DTNB: variants seen among roughly 807,000 people sequenced by gnomAD.
DTNB encodes dystrobrevin beta.
DTNB carries 63 observed loss-of-function variants against 90.7 expected under a neutral mutation model. The observed-to-expected ratio is 0.69, with a 90% CI of 0.57 to 0.86. The LOEUF is 0.86. DTNB is among the 40% of genes least tolerant of loss of function. The probability of loss-of-function intolerance (pLI) is 0.00; values close to 1 mark genes in which losing one functional copy is unlikely to be tolerated. For synonymous variants in DTNB, 277 were observed against 286.7 expected, an observed-to-expected ratio of 0.97 and a Z score of 0.34; for missense variants, 744 against 807.1, an observed-to-expected ratio of 0.92 and a Z score of 0.95.
At position 25,399,364 on chromosome 2, in the gene DTNB, T is replaced by TTTTTTTTTTTTTTA. The variant is rs70947887; in HGVS notation, c.1576-11004_1576-11003insTAAAAAAAAAAAAA. On this transcript the variant is annotated intron_variant, in intron 16 of 20. Transcript: ENST00000406818. ...TCGCCCCTGACCTTTTTTTTTTTTT[T>TTTTTTTTTTTTTTA]AGACAGGATCTTGCTGTTTCCCAGG... is the stretch of plus-strand genomic sequence containing the variant. 8.5e-4 allele frequency: 127 copies of TTTTTTTTTTTTTTA among 149,706 alleles called. 2 individuals are homozygous for TTTTTTTTTTTTTTA. Among genetic ancestry groups the TTTTTTTTTTTTTTA allele is most frequent in the African/African-American group, 2.8e-3 (112 of 40,096 alleles). The allele number at this position is 149,706 out of a possible 1,614,324, so 9.3% of individuals were successfully genotyped here.
chr2:25,388,423 A>G (rs1573699490), intron 16 of DTNB, 62 bp from the exon 17 acceptor site: 1 of 1,528,524 alleles, frequency 6.5e-7, no homozygotes, highest in Non-Finnish European at 8.8e-7. Flanking sequence ...AGGAAGGAAG[A>G]AAGTACTTTT....
intron 1 of DTNB, among the ~76,000 whole-genome samples, chr2:25,658,013 T>C (rs1419514219): frequency 6.6e-6 from 1 of 151,914 alleles, no homozygotes; most frequent in Non-Finnish European, 1.5e-5. Context: ...TCCCAGCACT[T>C]TGGGAGGCCG....
intron 8 of DTNB, among the ~76,000 whole-genome samples, chr2:25,537,643 T>G (rs1312916098): frequency 6.6e-6 from 1 of 152,224 alleles, no homozygotes; most frequent in African/African-American, 2.4e-5. Context: ...GATTATGACT[T>G]GGACCTGAAG....
In DTNB at chr2:25,483,587, T is replaced by C. The variant is rs553198893; in HGVS notation, c.1002-714A>G. On this transcript the variant is annotated intron_variant, in intron 9 of 20. Transcript: ENST00000406818. ...CTTCAAGGTTAGCATTTTTGGTAAC[T>C]TGTCTTTAGCTGCAGGTTTTCTAGA... is the stretch of plus-strand genomic sequence containing the variant. Among the ~76,000 whole-genome samples the C allele has an allele frequency of 1.4e-3, 211 of 152,350 alleles. 1 individual carries two copies. The highest frequency in any genetic ancestry group is 5.0e-3 in the African/African-American group (207 of 41,578).
At chr2:25,636,519 TA>T (rs2077154285) in intron 3 of DTNB, among the ~76,000 whole-genome samples, 1 of 152,202 alleles carries the variant, frequency 6.6e-6, no homozygotes, top group Non-Finnish European at 1.5e-5. Flanking sequence ...AGAGTTGTTC[TA>T]AGGCAGTGGT....
intron 8 of DTNB, among the ~76,000 whole-genome samples, chr2:25,574,269 C>T (rs992287431): frequency 4.6e-5 from 7 of 152,258 alleles, no homozygotes; most frequent in African/African-American, 1.7e-4. Flanking sequence ...ATCCCAAATA[C>T]CTCTTACAGG....
At chr2:25,663,076 C>G (rs1459134162) in intron 1 of DTNB, among the ~76,000 whole-genome samples, 1 of 152,102 alleles carries the variant, frequency 6.6e-6, no homozygotes. Flanking sequence ...CCCCACCCCC[C>G]AACAGGCCCC....
intron 10 of DTNB, among the ~76,000 whole-genome samples, chr2:25,472,237 C>G (rs1217190963): frequency 1.3e-5 from 2 of 152,284 alleles, no homozygotes; most frequent in Non-Finnish European, 1.5e-5. Flanking sequence ...CACAGAAGAT[C>G]ACATAATATA....
intron 4 of DTNB, among the ~76,000 whole-genome samples, 160 bp downstream of exon 4, chr2:25,628,011 C>G (rs532296426): frequency 6.6e-6 from 1 of 152,304 alleles, no homozygotes; most frequent in African/African-American, 2.4e-5. Flanking sequence ...GCTGGGACTA[C>G]AGCTGTGAGC....
intron 1 of DTNB, among the ~76,000 whole-genome samples, chr2:25,671,397 T>C (rs2085867526): frequency 6.6e-6 from 1 of 152,320 alleles, no homozygotes; most frequent in South Asian, 2.1e-4. Context: ...CAAAATATCA[T>C]TGAGAGAGCC....
At chr2:25,599,411 G>A (rs2065352218) in intron 5 of DTNB, among the ~76,000 whole-genome samples, 1 of 151,314 alleles carries the variant, frequency 6.6e-6, no homozygotes, top group Non-Finnish European at 1.5e-5. Context: ...GTGTGATCTT[G>A]GCTCACTGCA....
intron 10 of DTNB, among the ~76,000 whole-genome samples, chr2:25,468,361 G>A (rs1041848555): frequency 6.6e-6 from 1 of 152,152 alleles, no homozygotes; most frequent in African/African-American, 2.4e-5. Context: ...ACTCCAGGGT[G>A]CTCCTAATCT....
At chr2:25,404,561 G>A (rs907043487) in intron 16 of DTNB, among the ~76,000 whole-genome samples, 2 of 151,994 alleles carry the variant, frequency 1.3e-5, no homozygotes, top group Non-Finnish European at 2.9e-5. Context: ...TATTTAATAG[G>A]CCACAGATAA....
chr2:25,379,831 T>C (rs2037074674), intron 19 of DTNB: 1 of 153,790 alleles, frequency 6.5e-6, no homozygotes, highest in South Asian at 2.1e-4. Flanking sequence ...AAACTGGATT[T>C]ACAGCCCCCA....
chr2:25,404,195 G>A (rs1022691621), intron 16 of DTNB, among the ~76,000 whole-genome samples: 2 of 152,172 alleles, frequency 1.3e-5, no homozygotes, highest in Admixed American at 6.5e-5. Flanking sequence ...GGCCTATCCC[G>A]AGGGAGTCAG....
At chr2:25,608,603 A>C (rs2067676250) in intron 4 of DTNB, among the ~76,000 whole-genome samples, 1 of 152,256 alleles carries the variant, frequency 6.6e-6, no homozygotes, top group Non-Finnish European at 1.5e-5. Context: ...TTATGTAAGA[A>C]AAGCTAGTGG....
chr2:25,664,152 G>A (rs573968805), intron 1 of DTNB, among the ~76,000 whole-genome samples: 1 of 152,150 alleles, frequency 6.6e-6, no homozygotes, highest in Admixed American at 6.5e-5. Flanking sequence ...AGTATTTTTA[G>A]TAATTCTAAG....
chr2:25,526,582 G>C (rs528072061), intron 9 of DTNB, among the ~76,000 whole-genome samples: 27 of 151,588 alleles, frequency 1.8e-4, no homozygotes, highest in Admixed American at 1.7e-3. Context: ...TTTCAGTAGA[G>C]ACAGGATTTC....
At chr2:25,644,013 C>T (rs1488078518) in intron 2 of DTNB, among the ~76,000 whole-genome samples, 1 of 152,182 alleles carries the variant, frequency 6.6e-6, no homozygotes, top group Non-Finnish European at 1.5e-5. Flanking sequence ...CCCACCAGGG[C>T]CATGACAGTT....
Sources: allele counts gnomAD v4.1 joint callset (sites outside exome capture counted in the v4.1 genomes callset), GRCh38; gene constraint gnomAD v4.1.1; transcripts MANE v1.5; gene names NCBI Gene and HGNC (gene_info 2026-07-23, HGNC 2026-07-21).